Variants in PDXDC1 observed in about 807,000 individuals in gnomAD.
PDXDC1 encodes pyridoxal-dependent decarboxylase domain-containing protein 1.
A neutral mutation model predicts 100.1 loss-of-function variants in PDXDC1; 42 were observed. The ratio of observed to expected loss-of-function variants is 0.42; its 90% CI spans 0.33 to 0.54. The LOEUF (loss-of-function observed/expected upper bound fraction) is 0.54, where lower values mean the gene tolerates loss of function less well. PDXDC1 is among the 20% of genes least tolerant of loss of function. The pLI, the probability that PDXDC1 is intolerant of heterozygous loss-of-function variation, is 0.10. For missense variants in PDXDC1, 636 were observed against 979.2 expected, an observed-to-expected ratio of 0.65 and a Z score of 4.68; for synonymous variants, 260 against 371.7, an observed-to-expected ratio of 0.70 and a Z score of 3.46.
chr16:14,976,360 T>C (rs1204563766), intron 1 of PDXDC1, among the ~76,000 whole-genome samples: 1 of 152,290 alleles, frequency 6.6e-6, no homozygotes, highest in African/African-American at 2.4e-5. Flanking sequence ...TAGATTTTGT[T>C]CACTTGTCAC....
intron 16 of PDXDC1, among the ~76,000 whole-genome samples, chr16:15,081,314 C>T (rs2045693817): frequency 6.6e-6 from 1 of 152,214 alleles, no homozygotes; most frequent in Admixed American, 6.5e-5. Context: ...AATGGCTGCA[C>T]CATTTTACAT....
At chr16:15,092,007 C>T (rs1302746045) in intron 16 of PDXDC1, among the ~76,000 whole-genome samples, 4 of 151,882 alleles carry the variant, frequency 2.6e-5, no homozygotes, top group African/African-American at 7.3e-5. Context: ...TGAAACCCTG[C>T]CTCTACTAAA....
chr16:14,997,971 G>A lies in PDXDC1; in HGVS notation c.95+145G>A, dbSNP rs1742062637. 4 of 819,792 alleles carry A rather than the reference G, an allele frequency of 4.9e-6. No individual in the cohort carries two copies. The South Asian group carries it at 7.8e-5, about 16-fold the overall frequency. The allele number at this position is 819,792 out of a possible 1,614,324, so 50.8% of individuals were successfully genotyped here. On this transcript the variant is annotated intron_variant, in intron 2 of 22. Transcript: ENST00000396410. ...ACTTGAAAATTGGTATTTGTCTTGG[G>A]TAAAAGGTGCCTTGTAATTAAAGGA...
At chr16:15,143,288 C>T (rs1040249861), downstream of PDXDC1, among the ~76,000 whole-genome samples, 9 of 152,126 alleles carry the variant, frequency 5.9e-5, no homozygotes, top group Non-Finnish European at 1.0e-4. Context: ...CCCTTCCCAG[C>T]ACCCTTGCCA....
intron 16 of PDXDC1, among the ~76,000 whole-genome samples, chr16:15,119,724 TC>T (rs1392772138): frequency 7.7e-6 from 1 of 129,774 alleles, no homozygotes; most frequent in Non-Finnish European, 1.6e-5. Flanking sequence ...CCATTTTTTT[TC>T]TTTTTGTTTG....
chr16:15,144,265 A>G (rs1411702194), downstream of PDXDC1, among the ~76,000 whole-genome samples: 1 of 152,206 alleles, frequency 6.6e-6, no homozygotes, highest in Non-Finnish European at 1.5e-5. Context: ...CAGCCGAGCC[A>G]TGACCTCTTC....
intron 16 of PDXDC1, chr16:15,125,637 C>T (rs78671991): frequency 0.025 from 30,834 of 1,219,556 alleles, 459 homozygotes; most frequent in East Asian, 0.062. Flanking sequence ...GTCCAAGCTG[C>T]GCCAAGGCGG....
At chr16:15,039,821 A>AG (rs1376164243), downstream of PDXDC1, 25 of 596,810 alleles carry the variant, frequency 4.2e-5, no homozygotes, top group Non-Finnish European at 6.8e-5. Flanking sequence ...AAGTGTGGGG[A>AG]GGGGTATATG....
intron 14 of PDXDC1, among the ~76,000 whole-genome samples, chr16:15,028,433 C>T (rs1365017289): frequency 1.3e-5 from 2 of 152,296 alleles, no homozygotes; most frequent in African/African-American, 4.8e-5. Context: ...TCTTTATGGT[C>T]TGTTTCCTCA....
chr16:15,030,405 G>GCACCCTGTC (rs1457799782), intron 16 of PDXDC1, among the ~76,000 whole-genome samples: 59 of 151,552 alleles, frequency 3.9e-4, no homozygotes, highest in South Asian at 6.3e-4. Flanking sequence ...AATTAGCCAG[G>GCACCCTGTC]CATGGTGGTA....
At chr16:15,040,071 G>C (rs747411444), downstream of PDXDC1, 3 of 1,541,588 alleles carry the variant, frequency 1.9e-6, no homozygotes, top group Admixed American at 5.1e-5. Context: ...TGACAGCTGT[G>C]AGGGACAACA....
At chr16:15,002,486 A>G (rs1973370014) in intron 4 of PDXDC1, among the ~76,000 whole-genome samples, 1 of 152,300 alleles carries the variant, frequency 6.6e-6, no homozygotes, top group South Asian at 2.1e-4. Context: ...AGTTCACTGC[A>G]TATTAATGCA....
chr16:15,026,950 A>G (rs1280586089), intron 14 of PDXDC1, among the ~76,000 whole-genome samples: 3 of 152,290 alleles, frequency 2.0e-5, no homozygotes, highest in Non-Finnish European at 1.5e-5. Context: ...TGGAATGGCT[A>G]AGAAAGAGTT....
chr16:15,041,531 A>G (rs2043815816), downstream of PDXDC1: 1 of 851,778 alleles, frequency 1.2e-6, no homozygotes, highest in Non-Finnish European at 2.1e-6. Context: ...CAGTGACAGC[A>G]GTGTGTGCCG....
At chr16:15,000,512 T>G (rs552649998) in intron 3 of PDXDC1, among the ~76,000 whole-genome samples, 1 of 152,406 alleles carries the variant, frequency 6.6e-6, no homozygotes, top group African/African-American at 2.4e-5. Flanking sequence ...ACTGTTTTGA[T>G]GGCGCTTCCT....
chr16:15,119,423 T>G (rs1469965179), intron 16 of PDXDC1, among the ~76,000 whole-genome samples: 9 of 147,234 alleles, frequency 6.1e-5, no homozygotes, highest in Non-Finnish European at 1.2e-4. Context: ...TTTTGTTTTT[T>G]TTTTTTTTGA....
At chr16:15,130,099 G>A (rs1448835865) in intron 16 of PDXDC1, 4 of 1,418,754 alleles carry the variant, frequency 2.8e-6, no homozygotes, top group Non-Finnish European at 3.9e-6. Flanking sequence ...CAGCCGCCGG[G>A]CCCAGGAGGT....
intron 16 of PDXDC1, chr16:15,047,387 T>G: frequency 8.7e-7 from 1 of 1,146,674 alleles, no homozygotes; most frequent in Non-Finnish European, 1.3e-6. Context: ...AGCCACGTCC[T>G]GTATGCGACG....
intron 6 of PDXDC1, among the ~76,000 whole-genome samples, chr16:15,007,793 T>G (rs1263574948): frequency 1.3e-5 from 2 of 152,286 alleles, no homozygotes; most frequent in Non-Finnish European, 2.9e-5. Context: ...GCCAGGCTCT[T>G]GCAGACACAA....
Sources: allele counts gnomAD v4.1 joint callset (sites outside exome capture counted in the v4.1 genomes callset), GRCh38; gene constraint gnomAD v4.1.1; transcripts MANE v1.5; gene names NCBI Gene and HGNC (gene_info 2026-07-23, HGNC 2026-07-21).